Variants in VDAC1 observed in about 807,000 individuals in gnomAD.
The protein encoded by VDAC1 is non-selective voltage-gated ion channel VDAC1.
VDAC1 carries 10 observed loss-of-function variants against 34.7 expected under a neutral mutation model. That is an observed-to-expected ratio of 0.29 (90% CI 0.18 to 0.49). The LOEUF is 0.49. Among genes scored for constraint, VDAC1 ranks in the 20% least tolerant of loss-of-function variants. The probability of loss-of-function intolerance (pLI) is 0.99; values close to 1 mark genes in which losing one functional copy is unlikely to be tolerated. For missense variants in VDAC1, 230 were observed against 347.9 expected (o/e 0.66, Z 2.69); for synonymous variants, 130 against 136.0 (o/e 0.96, Z 0.30).
At chr5:134,062,752 G>A in the VDAC1 span, among the ~76,000 whole-genome samples, 1 of 151,556 alleles carries the variant, frequency 6.6e-6, no homozygotes, top group Non-Finnish European at 1.5e-5. Flanking sequence ...TCAGCCTCCT[G>A]AGTAGCTGGG....
the VDAC1 span, among the ~76,000 whole-genome samples, chr5:134,076,472 T>G: frequency 1.7e-4 from 26 of 152,214 alleles, no homozygotes; most frequent in Non-Finnish European, 2.5e-4. Context: ...TGTCTCCTGA[T>G]CTGCCCTCCC....
At chr5:134,001,620 A>C (rs888478114) in intron 1 of VDAC1, among the ~76,000 whole-genome samples, 5 of 149,842 alleles carry the variant, frequency 3.3e-5, no homozygotes, top group Non-Finnish European at 7.4e-5. Flanking sequence ...CGAGAGGGTG[A>C]GGCAGAGACT....
chr5:134,086,441 A>G, the VDAC1 span, among the ~76,000 whole-genome samples: 1 of 152,186 alleles, frequency 6.6e-6, no homozygotes, highest in East Asian at 1.9e-4. Context: ...AGGCCTCCCC[A>G]AGGGTGCTCG....
chr5:133,994,822 A>G (rs1426002381), intron 1 of VDAC1, among the ~76,000 whole-genome samples: 1 of 152,086 alleles, frequency 6.6e-6, no homozygotes, highest in Non-Finnish European at 1.5e-5. Context: ...CAGGGGGGCC[A>G]CAAACTCAGC....
the VDAC1 span, among the ~76,000 whole-genome samples, chr5:134,043,591 G>T: frequency 6.6e-6 from 1 of 152,000 alleles, no homozygotes; most frequent in African/African-American, 2.4e-5. Flanking sequence ...GGAGTGTAGT[G>T]GTGCAATCAC....
the VDAC1 span, among the ~76,000 whole-genome samples, chr5:134,031,506 C>T: frequency 3.3e-5 from 5 of 152,154 alleles, no homozygotes; most frequent in African/African-American, 9.7e-5. Context: ...AGATTCTATA[C>T]AGAATGCAAT....
chr5:134,099,415 C>T, the VDAC1 span, among the ~76,000 whole-genome samples: 6 of 152,140 alleles, frequency 3.9e-5, no homozygotes, highest in South Asian at 4.1e-4. Context: ...CCCTCTCACC[C>T]GCTTCCTTTC....
the VDAC1 span, among the ~76,000 whole-genome samples, chr5:134,039,585 T>A: frequency 5.0e-3 from 766 of 152,296 alleles, 4 homozygotes; most frequent in Admixed American, 9.5e-3. Context: ...CGCCTTGGCC[T>A]CCCAAAGTGC....
intron 1 of VDAC1, among the ~76,000 whole-genome samples, chr5:133,995,512 C>A (rs1351216673): frequency 6.6e-6 from 1 of 152,128 alleles, no homozygotes; most frequent in Non-Finnish European, 1.5e-5. Flanking sequence ...AAACCACTGG[C>A]TGAATGGAGT....
Position 133,972,697 on chromosome 5 carries a change from T to G in VDAC1, c.*74A>C. Reference sequence around the variant, plus strand: ...TACTTGCATCCCAGACATACAACATTAAAAGATACACTAAATTCTGAAGGT... The same window carrying G: ...TACTTGCATCCCAGACATACAACATGAAAAGATACACTAAATTCTGAAGGT... On this transcript the variant is annotated 3_prime_UTR_variant, in exon 9 of 9. Transcript: ENST00000265333. 9.1e-7 allele frequency: 1 copy of G among 1,102,570 alleles called. No individual in the cohort carries two copies. Among genetic ancestry groups the G allele is most frequent in the South Asian group, 1.4e-5 (1 of 70,128 alleles). 68.3% of individuals were successfully genotyped at this position (1,102,570 alleles called of 1,614,324 possible).
At chr5:134,004,686 G>C (rs577880230) in intron 1 of VDAC1, 1 of 151,842 alleles carries the variant, frequency 6.6e-6, no homozygotes, top group East Asian at 1.9e-4. Context: ...CGGCTACGGC[G>C]GGGGCTGCGA....
At chr5:134,113,534 C>G in the VDAC1 span, among the ~76,000 whole-genome samples, 16 of 152,244 alleles carry the variant, frequency 1.1e-4, no homozygotes, top group Non-Finnish European at 2.9e-5. Flanking sequence ...GGCCCTCCCC[C>G]AAATACCCTC....
At chr5:134,080,867 A>C in the VDAC1 span, among the ~76,000 whole-genome samples, 1 of 151,956 alleles carries the variant, frequency 6.6e-6, no homozygotes, top group Non-Finnish European at 1.5e-5. Context: ...AGACTACATA[A>C]ATTTTTTATT....
chr5:134,098,404 T>C, the VDAC1 span, among the ~76,000 whole-genome samples: 1 of 151,732 alleles, frequency 6.6e-6, no homozygotes, highest in South Asian at 2.1e-4. Context: ...TTTGTATTTT[T>C]GGTAGAGACA....
At chr5:134,103,201 A>G in the VDAC1 span, among the ~76,000 whole-genome samples, 26 of 152,238 alleles carry the variant, frequency 1.7e-4, no homozygotes, top group South Asian at 4.4e-3. Flanking sequence ...AGCTAACTGT[A>G]GCCTCCACCT....
chr5:134,086,350 G>A, the VDAC1 span, among the ~76,000 whole-genome samples: 1 of 152,216 alleles, frequency 6.6e-6, no homozygotes, highest in Non-Finnish European at 1.5e-5. Flanking sequence ...GCCCTTGGGA[G>A]ATTGCAAATA....
At chr5:134,093,681 C>T in the VDAC1 span, among the ~76,000 whole-genome samples, 106 of 152,344 alleles carry the variant, frequency 7.0e-4, 1 homozygote, top group East Asian at 0.017. Context: ...CCAGATCTTC[C>T]GTCCAGGTTC....
the VDAC1 span, among the ~76,000 whole-genome samples, chr5:134,050,141 C>T: frequency 2.0e-5 from 3 of 151,848 alleles, no homozygotes; most frequent in Non-Finnish European, 4.4e-5. Context: ...CCCAGCAACT[C>T]GGGAGGCTGA....
chr5:134,029,723 T>C, the VDAC1 span, among the ~76,000 whole-genome samples: 17 of 152,292 alleles, frequency 1.1e-4, no homozygotes, highest in Admixed American at 1.1e-3. Context: ...AGTAGGGAGA[T>C]AGAAAACAGA....
Sources: gnomAD v4.1 joint callset for allele counts (sites outside exome capture counted in the v4.1 genomes callset) on GRCh38, gnomAD v4.1.1 for gene constraint, MANE v1.5 for transcripts, NCBI Gene and HGNC (gene_info 2026-07-23, HGNC 2026-07-21) for gene names.